KDM4C: variants seen among roughly 807,000 people sequenced by gnomAD.
KDM4C encodes the protein lysine-specific demethylase 4C.
In KDM4C, 81 loss-of-function variants were observed where a neutral mutation model predicts 129.3. The observed-to-expected ratio is 0.63, with a 90% confidence interval of 0.52 to 0.75. The LOEUF is 0.75. Among genes scored for constraint, KDM4C ranks in the 30% least tolerant of loss-of-function variants. KDM4C has a pLI of 0.00. For synonymous variants in KDM4C, 573 were observed against 456.1 expected, an observed-to-expected ratio of 1.26 and a Z score of -3.26; for missense variants, 1,457 against 1,304.0, an observed-to-expected ratio of 1.12 and a Z score of -1.81.
intron 2 of KDM4C, among the ~76,000 whole-genome samples, chr9:6,794,954 T>C (rs1827443579): frequency 6.6e-6 from 1 of 152,230 alleles, no homozygotes; most frequent in South Asian, 2.1e-4. Flanking sequence ...TCTATTTTAA[T>C]TAAAAAATTT....
At chr9:6,787,885 G>A (rs923888052) in intron 1 of KDM4C, among the ~76,000 whole-genome samples, 1 of 152,202 alleles carries the variant, frequency 6.6e-6, no homozygotes, top group Admixed American at 6.5e-5. Context: ...TAACTAAGAG[G>A]GGGAGGAACC....
chr9:6,934,221 C>T lies in KDM4C; in HGVS notation c.921+40989C>T, dbSNP rs554271932. 3.4e-3 allele frequency among the ~76,000 whole-genome samples: 523 copies of T among 151,914 alleles called. 2 individuals are homozygous for T. The highest frequency in any genetic ancestry group is 0.012 in the African/African-American group (492 of 41,492). On this transcript the variant is annotated intron_variant, in intron 8 of 21. Coordinates refer to ENST00000381309, the MANE Select transcript of KDM4C (RefSeq NM_015061.6). ...TTGGGGCTGGGCGCGGGGTCTCACG[C>T]CGGTAATCCTATCACTTTGGGAGGC...
rs369795659 is a variant in KDM4C, at chr9:6,964,781, C to CAAAAA, written c.922-16128_922-16124dup. Among the ~76,000 whole-genome samples, 41 of 53,722 alleles carry CAAAAA rather than the reference C, an allele frequency of 7.6e-4. 1 individual carries two copies. The highest frequency in any genetic ancestry group is 1.0e-3 in the Non-Finnish European group (29 of 27,626). The allele number at this position is 53,722 out of a possible 152,430, so 35.2% of individuals were successfully genotyped here. ...TGGGGGACAGAGTGAGACTCCGTCTCAAAAAAAAAAAAAAAAAAAACCACA... is the reference window on the plus strand; with the variant it reads ...TGGGGGACAGAGTGAGACTCCGTCTCAAAAAAAAAAAAAAAAAAAAAAAAACCACA... On this transcript the variant is annotated intron_variant, in intron 8 of 21. Transcript: ENST00000381309.
At chr9:7,073,602 C>T (rs1017831014) in intron 17 of KDM4C, among the ~76,000 whole-genome samples, 1 of 152,130 alleles carries the variant, frequency 6.6e-6, no homozygotes, top group Admixed American at 6.5e-5. Context: ...AGTTATACTC[C>T]CTGTTTTTTG....
intron 15 of KDM4C, among the ~76,000 whole-genome samples, chr9:7,021,213 A>AC (rs1824791082): frequency 6.6e-6 from 1 of 151,062 alleles, no homozygotes; most frequent in Non-Finnish European, 1.5e-5. Flanking sequence ...GTGCAGTGGC[A>AC]CAATCTCGGC....
At chr9:6,935,580 G>A (rs1242194815) in intron 8 of KDM4C, among the ~76,000 whole-genome samples, 3 of 141,746 alleles carry the variant, frequency 2.1e-5, no homozygotes, top group Admixed American at 7.0e-5. Flanking sequence ...ACCACGCCCG[G>A]CTAATTTTTT....
At chr9:6,721,043 G>C (rs1816929921) in intron 1 of KDM4C, 2 of 1,494,770 alleles carry the variant, frequency 1.3e-6, no homozygotes, top group Non-Finnish European at 1.8e-6. Context: ...GTACATAGTT[G>C]GTGGTTCTGT....
intron 8 of KDM4C, among the ~76,000 whole-genome samples, chr9:6,954,931 A>G (rs1211182658): frequency 1.3e-5 from 2 of 152,346 alleles, no homozygotes; most frequent in Admixed American, 1.3e-4. Flanking sequence ...TCCGATACTA[A>G]TTATTTTGCT....
chr9:6,970,574 T>A (rs1415403292), intron 8 of KDM4C, among the ~76,000 whole-genome samples: 1 of 152,230 alleles, frequency 6.6e-6, no homozygotes, highest in African/African-American at 2.4e-5. Flanking sequence ...TGTGGTGGCA[T>A]AGGCTTCATG....
intron 19 of KDM4C, among the ~76,000 whole-genome samples, chr9:7,157,340 A>T (rs200289658): frequency 6.6e-6 from 1 of 152,068 alleles, no homozygotes; most frequent in Non-Finnish European, 1.5e-5. Flanking sequence ...TTGAATACCC[A>T]TTATTTCTTT....
chr9:7,039,900 T>C (rs1254107581), intron 15 of KDM4C, among the ~76,000 whole-genome samples: 8 of 152,090 alleles, frequency 5.3e-5, no homozygotes, highest in Non-Finnish European at 8.8e-5. Context: ...ATGGGTTAGC[T>C]CTATGTATTT....
intron 4 of KDM4C, among the ~76,000 whole-genome samples, chr9:6,831,283 G>T (rs1489376871): frequency 6.6e-6 from 1 of 152,052 alleles, no homozygotes; most frequent in African/African-American, 2.4e-5. Context: ...AAGTAGCCTG[G>T]GGCCAGTGTG....
intron 1 of KDM4C, among the ~76,000 whole-genome samples, chr9:6,725,467 C>A (rs961404060): frequency 1.3e-5 from 2 of 151,948 alleles, no homozygotes; most frequent in African/African-American, 4.8e-5. Flanking sequence ...TGTCGTATGT[C>A]ACAGATTCTC....
In KDM4C at chr9:6,893,278, G is replaced by C. The variant is rs181756770; in HGVS notation, c.921+46G>C. ...AAAGCAAAAATTAAATGTGTATTCT[G>C]GTTATTTTAGTAGGAACCCTACGAT... On this transcript the variant is annotated intron_variant, in intron 8 of 21. Coordinates refer to ENST00000381309, the MANE Select transcript of KDM4C (RefSeq NM_015061.6). 31 of 1,524,762 alleles carry C rather than the reference G, an allele frequency of 2.0e-5. No individual in the cohort carries two copies. The Admixed American group carries it at 2.8e-4, about 14-fold the overall frequency. The allele number at this position is 1,524,762 out of a possible 1,614,324, so 94.5% of individuals were successfully genotyped here.
intron 17 of KDM4C, among the ~76,000 whole-genome samples, chr9:7,087,215 A>C (rs1167421038): frequency 1.3e-5 from 2 of 152,028 alleles, no homozygotes; most frequent in Non-Finnish European, 2.9e-5. Context: ...CATATAACTC[A>C]GAAAGAGACA....
intron 15 of KDM4C, among the ~76,000 whole-genome samples, chr9:7,042,625 T>A (rs1456257331): frequency 6.6e-6 from 1 of 152,090 alleles, no homozygotes; most frequent in South Asian, 2.1e-4. Context: ...TCTACCAGTA[T>A]CATCTTCGTG....
At chr9:7,061,607 A>T (rs1474862361) in intron 17 of KDM4C, among the ~76,000 whole-genome samples, 1 of 152,232 alleles carries the variant, frequency 6.6e-6, no homozygotes, top group African/African-American at 2.4e-5. Context: ...ACTGAAGGGT[A>T]AAAGCCTGGC....
In KDM4C at chr9:7,083,414, G is replaced by A. The variant is rs187810010; in HGVS notation, c.2425-20271G>A. On this transcript the variant is annotated intron_variant, in intron 17 of 21. Transcript: ENST00000381309. ...TAACAATGGGGATGCATTCTGAGAAGTGCATCATTACGCAGTTTTGTCTGT... is the reference window on the plus strand; with the variant it reads ...TAACAATGGGGATGCATTCTGAGAAATGCATCATTACGCAGTTTTGTCTGT... Among the ~76,000 whole-genome samples the A allele has an allele frequency of 6.9e-4, 105 of 152,312 alleles. 1 individual carries two copies. The highest frequency in any genetic ancestry group is 2.3e-3 in the African/African-American group (94 of 41,574).
Position 6,995,921 on chromosome 9 carries a change from G to A in KDM4C, c.1786+5397G>A, listed in dbSNP as rs548640053. ...CTGACCTCGTGATCTGCCCACCTCG[G>A]CCTCCCAAAGTGCTGGGATTACAGG... On this transcript the variant is annotated intron_variant, in intron 12 of 21. Transcript: ENST00000381309. Among the ~76,000 whole-genome samples, 6 of 152,234 alleles carry A rather than the reference G, an allele frequency of 3.9e-5. No individual in the cohort carries two copies. In the South Asian group the frequency reaches 1.0e-3, roughly 26 times the overall value.
Sources: gnomAD v4.1 joint callset for allele counts (sites outside exome capture counted in the v4.1 genomes callset) on GRCh38, gnomAD v4.1.1 for gene constraint, MANE v1.5 for transcripts, NCBI Gene and HGNC (gene_info 2026-07-23, HGNC 2026-07-21) for gene names.